Variants in VRK2 observed in about 807,000 individuals in gnomAD.
VRK2 encodes the protein VRK serine/threonine kinase 2.
Under a neutral mutation model 57.6 loss-of-function variants are expected in VRK2, and 60 were observed. That is an observed-to-expected ratio of 1.04 (90% CI 0.85 to 1.29). VRK2 has a LOEUF of 1.29. Among genes scored for constraint, VRK2 ranks in the 50% most tolerant of loss-of-function variants. The pLI, the probability that VRK2 is intolerant of heterozygous loss-of-function variation, is 0.00. For missense variants in VRK2, 705 were observed against 588.1 expected, an observed-to-expected ratio of 1.20 and a Z score of -2.06; for synonymous variants, 231 against 199.2, an observed-to-expected ratio of 1.16 and a Z score of -1.35.
At chr2:57,996,670 T>C (rs982516228) in intron 1 of VRK2, among the ~76,000 whole-genome samples, 8 of 152,296 alleles carry the variant, frequency 5.3e-5, no homozygotes, top group South Asian at 2.1e-4. Context: ...AGAAGTAATG[T>C]CATCCAAAAA....
intron 1 of VRK2, among the ~76,000 whole-genome samples, chr2:57,969,363 A>T (rs550471827): frequency 6.6e-6 from 1 of 152,204 alleles, no homozygotes; most frequent in African/African-American, 2.4e-5. Context: ...TTGGAAATCA[A>T]ACACTGAAAA....
chr2:57,967,899 C>G (rs1369807409), intron 1 of VRK2, among the ~76,000 whole-genome samples: 1 of 151,994 alleles, frequency 6.6e-6, no homozygotes, highest in Non-Finnish European at 1.5e-5. Flanking sequence ...TTTCTTCATT[C>G]AAGGCTGAGC....
At chr2:57,961,605 C>T (rs538876040) in intron 1 of VRK2, among the ~76,000 whole-genome samples, 13 of 138,404 alleles carry the variant, frequency 9.4e-5, no homozygotes, top group Non-Finnish European at 1.9e-4. Context: ...GTCATCTATG[C>T]TGTCTCCCAC....
chr2:57,947,025 T>C (rs551293477), intron 1 of VRK2, among the ~76,000 whole-genome samples: 42 of 152,288 alleles, frequency 2.8e-4, no homozygotes, highest in African/African-American at 9.1e-4. Context: ...TGAGCACCAA[T>C]CTACAAAATG....
chr2:58,014,663 G>A (rs1343180162), intron 1 of VRK2, among the ~76,000 whole-genome samples: 1 of 152,156 alleles, frequency 6.6e-6, no homozygotes, highest in Non-Finnish European at 1.5e-5. Flanking sequence ...AAGACACTAT[G>A]TTTGGTCCTG....
rs535976949 is a variant in VRK2, at chr2:58,080,648, G to C, written c.137-3441G>C. Among the ~76,000 whole-genome samples the C allele has an allele frequency of 5.6e-4, 84 of 151,346 alleles. 2 individuals are homozygous for C. The East Asian group carries it at 7.4e-3, about 13-fold the overall frequency. ...CATTCTTTTTTCCTGAGATTTATTT[G>C]GTTTTGAAAATATTTGTTCTAGTCT... On this transcript the variant is annotated intron_variant, in intron 2 of 12. Coordinates refer to ENST00000340157, the MANE Select transcript of VRK2 (RefSeq NM_006296.7).
At chr2:58,016,703 T>TA (rs1210210010) in intron 1 of VRK2, among the ~76,000 whole-genome samples, 3 of 152,220 alleles carry the variant, frequency 2.0e-5, no homozygotes, top group Non-Finnish European at 4.4e-5. Context: ...TGCAATCTTT[T>TA]AAAAATTTCT....
intron 1 of VRK2, among the ~76,000 whole-genome samples, chr2:58,006,946 T>C (rs923111795): frequency 1.3e-5 from 2 of 152,118 alleles, no homozygotes; most frequent in Non-Finnish European, 2.9e-5. Flanking sequence ...AGAATCCTTC[T>C]AATGAGGGCA....
intron 1 of VRK2, among the ~76,000 whole-genome samples, chr2:57,960,663 G>A (rs1231677992): frequency 6.6e-6 from 1 of 152,204 alleles, no homozygotes; most frequent in Non-Finnish European, 1.5e-5. Flanking sequence ...CATACTGGGT[G>A]GATAGATGCC....
At chr2:58,042,740 T>TGC (rs1341551350), upstream of VRK2, among the ~76,000 whole-genome samples, 5 of 152,226 alleles carry the variant, frequency 3.3e-5, no homozygotes, top group African/African-American at 1.2e-4. Flanking sequence ...TGTGTGCGTG[T>TGC]ATTTGTGGTG....
chr2:58,136,963 A>AT (rs1339027476), intron 10 of VRK2, among the ~76,000 whole-genome samples: 3 of 133,390 alleles, frequency 2.2e-5, no homozygotes, highest in Non-Finnish European at 3.0e-5. Context: ...ATGTGTATAT[A>AT]TATCATATAT....
intron 1 of VRK2, among the ~76,000 whole-genome samples, chr2:57,999,091 G>C (rs1266074269): frequency 1.3e-5 from 2 of 152,046 alleles, no homozygotes; most frequent in African/African-American, 2.4e-5. Context: ...CAGAACACTT[G>C]GGTTCATTTG....
intron 2 of VRK2, among the ~76,000 whole-genome samples, chr2:58,051,682 C>G (rs915726049): frequency 3.3e-5 from 5 of 152,216 alleles, no homozygotes; most frequent in African/African-American, 1.2e-4. Context: ...GCTGCTCTGT[C>G]TAGCTCATTG....
At chr2:58,028,685 A>G (rs1046637808) in intron 2 of VRK2, among the ~76,000 whole-genome samples, 1 of 151,056 alleles carries the variant, frequency 6.6e-6, no homozygotes, top group African/African-American at 2.4e-5. Context: ...GAACTGAACA[A>G]TGAGAACACT....
chr2:57,987,590 T>C (rs1672637824), intron 1 of VRK2, among the ~76,000 whole-genome samples: 2 of 152,196 alleles, frequency 1.3e-5, no homozygotes. Context: ...TGGAAGGTGT[T>C]TGGAAGTTTC....
intron 2 of VRK2, among the ~76,000 whole-genome samples, chr2:58,051,224 C>G (rs1198122682): frequency 6.6e-6 from 1 of 152,136 alleles, no homozygotes; most frequent in Non-Finnish European, 1.5e-5. Context: ...AGGGAACATT[C>G]TCTAGTATCT....
At chr2:58,155,504 A>C (rs1683666893) in intron 12 of VRK2, among the ~76,000 whole-genome samples, 1 of 151,608 alleles carries the variant, frequency 6.6e-6, no homozygotes, top group Non-Finnish European at 1.5e-5. Flanking sequence ...CCTGGTGGGA[A>C]GGAAGGGGGA....
chr2:58,012,656 C>T (rs541591353), intron 1 of VRK2, among the ~76,000 whole-genome samples: 1 of 152,318 alleles, frequency 6.6e-6, no homozygotes, highest in African/African-American at 2.4e-5. Flanking sequence ...CTGGACTACA[C>T]TCGTTAGCAT....
At position 58,143,054 on chromosome 2, in the gene VRK2, T is replaced by C. The variant is rs149084513; in HGVS notation, c.1023+3222T>C. On this transcript the variant is annotated intron_variant, in intron 11 of 12. Coordinates refer to ENST00000340157, the MANE Select transcript of VRK2 (RefSeq NM_006296.7). ...AGCATATCCAGAGTTGAATATATTA[T>C]TATTGGTAGTAGTAGTATTTGTATA... 3.9e-3 allele frequency among the ~76,000 whole-genome samples: 595 copies of C among 151,994 alleles called. 3 individuals carry two copies. The highest frequency in any genetic ancestry group is 7.0e-3 in the Non-Finnish European group (474 of 67,876).
Sources: allele counts gnomAD v4.1 joint callset (sites outside exome capture counted in the v4.1 genomes callset), GRCh38; gene constraint gnomAD v4.1.1; transcripts MANE v1.5; gene names NCBI Gene and HGNC (gene_info 2026-07-23, HGNC 2026-07-21).